Variants in PCDH9 observed in about 807,000 individuals in gnomAD.
The protein encoded by PCDH9 is protocadherin-9.
A neutral mutation model predicts 70.6 loss-of-function variants in PCDH9; 24 were observed. The ratio of observed to expected loss-of-function variants is 0.34; its 90% CI spans 0.25 to 0.48. PCDH9 has a LOEUF of 0.48. Among genes scored for constraint, PCDH9 ranks in the 20% least tolerant of loss-of-function variants. The probability of loss-of-function intolerance (pLI) is 0.99; values close to 1 mark genes in which losing one functional copy is unlikely to be tolerated. For synonymous variants in PCDH9, 562 were observed against 558.5 expected (o/e 1.01, Z -0.09); for missense variants, 1,281 against 1,503.6 (o/e 0.85, Z 2.45).
chr13:67,098,140 G>A (rs972362707), intron 2 of PCDH9, among the ~76,000 whole-genome samples: 25 of 151,982 alleles, frequency 1.6e-4, no homozygotes, highest in Non-Finnish European at 3.2e-4. Context: ...AACAAGCAGC[G>A]GGAACAACAA....
chr13:66,620,979 AT>A (rs1010552686), intron 4 of PCDH9, among the ~76,000 whole-genome samples: 8 of 152,230 alleles, frequency 5.3e-5, no homozygotes, highest in African/African-American at 1.4e-4. Context: ...AGATAAATGA[AT>A]TAAAAAATGG....
At chr13:66,610,835 A>T (rs951058144) in intron 4 of PCDH9, among the ~76,000 whole-genome samples, 1 of 152,182 alleles carries the variant, frequency 6.6e-6, no homozygotes, top group Non-Finnish European at 1.5e-5. Flanking sequence ...TGACAGGATG[A>T]TACCTTTTTT....
intron 4 of PCDH9, among the ~76,000 whole-genome samples, chr13:66,417,217 C>T (rs1957477127): frequency 6.6e-6 from 1 of 152,082 alleles, no homozygotes; most frequent in Non-Finnish European, 1.5e-5. Context: ...ATGATTTTCC[C>T]CTCCCTGTGA....
chr13:66,687,265 T>C (rs560907180), intron 3 of PCDH9, among the ~76,000 whole-genome samples: 4 of 152,142 alleles, frequency 2.6e-5, no homozygotes, highest in Non-Finnish European at 4.4e-5. Flanking sequence ...TGTGACAAGA[T>C]TTTTTTCTCT....
chr13:66,991,232 G>C (rs1016893175), intron 2 of PCDH9: 1 of 152,008 alleles, frequency 6.6e-6, no homozygotes, highest in African/African-American at 2.4e-5. Flanking sequence ...AATTTTGTAA[G>C]ATCAATCCAT....
intron 3 of PCDH9, among the ~76,000 whole-genome samples, chr13:66,750,769 A>T: frequency 6.6e-6 from 1 of 152,238 alleles, no homozygotes; most frequent in Admixed American, 6.5e-5. Context: ...TTAGAAATAA[A>T]ATTTCATAAC....
intron 2 of PCDH9, among the ~76,000 whole-genome samples, chr13:67,010,168 C>T (rs1353800869): frequency 6.6e-6 from 1 of 151,864 alleles, no homozygotes; most frequent in African/African-American, 2.4e-5. Flanking sequence ...TCAATTTTTC[C>T]CTAAAATTAA....
intron 2 of PCDH9, among the ~76,000 whole-genome samples, chr13:66,968,853 T>C (rs2083471670): frequency 6.6e-6 from 1 of 152,016 alleles, no homozygotes; most frequent in Non-Finnish European, 1.5e-5. Context: ...AGTGTGCTAT[T>C]CACATTTTTT....
At chr13:66,600,253 A>T (rs73194764) in intron 4 of PCDH9, among the ~76,000 whole-genome samples, 1 of 151,876 alleles carries the variant, frequency 6.6e-6, no homozygotes, top group East Asian at 1.9e-4. Flanking sequence ...TCAACATCAA[A>T]TGTAAAAATT....
At chr13:66,317,226 A>C (rs1955670404) in intron 4 of PCDH9, among the ~76,000 whole-genome samples, 2 of 152,162 alleles carry the variant, frequency 1.3e-5, no homozygotes, top group Non-Finnish European at 2.9e-5. Context: ...TAGAAAAAAA[A>C]AGTTAGCACT....
intron 3 of PCDH9, among the ~76,000 whole-genome samples, chr13:66,865,461 C>T (rs371704307): frequency 1.3e-5 from 2 of 152,114 alleles, no homozygotes; most frequent in Non-Finnish European, 2.9e-5. Context: ...TAATTTTATT[C>T]GAGTAAGTAG....
At chr13:66,598,738 A>T (rs952945716) in intron 4 of PCDH9, among the ~76,000 whole-genome samples, 1 of 151,890 alleles carries the variant, frequency 6.6e-6, no homozygotes, top group Non-Finnish European at 1.5e-5. Flanking sequence ...GGGTGTATTC[A>T]TAAATTTAAT....
chr13:66,882,818 T>C (rs367636280), intron 3 of PCDH9, among the ~76,000 whole-genome samples: 13 of 152,264 alleles, frequency 8.5e-5, no homozygotes, highest in African/African-American at 2.6e-4. Flanking sequence ...AAAACTGTCA[T>C]CCACAAAATA....
intron 3 of PCDH9, among the ~76,000 whole-genome samples, chr13:66,744,705 A>T (rs2079331558): frequency 6.6e-6 from 1 of 152,176 alleles, no homozygotes; most frequent in Non-Finnish European, 1.5e-5. Context: ...TTCAGGTATA[A>T]AAAATGAATA....
chr13:66,333,551 G>A (rs1166129347), intron 4 of PCDH9, among the ~76,000 whole-genome samples: 4 of 152,048 alleles, frequency 2.6e-5, no homozygotes, highest in Non-Finnish European at 4.4e-5. Context: ...AAAATAGAAT[G>A]ACTTAAGAAC....
chr13:66,678,671 A>G lies in PCDH9; in HGVS notation c.3139-47260T>C, dbSNP rs898089818. On this transcript the variant is annotated intron_variant, in intron 3 of 4. Transcript: ENST00000377865. ...CACACTTAAAAACCTATTTATGTGC[A>G]AAGCCAAATACCAAATAACAAGAAA... 1.1e-4 allele frequency among the ~76,000 whole-genome samples: 16 copies of G among 152,168 alleles called. No individual in the cohort carries two copies. In the East Asian group the frequency reaches 3.1e-3, roughly 29 times the overall value.
In PCDH9 at chr13:66,489,100, T is replaced by C. The variant is rs374589442; in HGVS notation, c.3340+142110A>G. 1.7e-3 allele frequency among the ~76,000 whole-genome samples: 266 copies of C among 152,314 alleles called. 1 individual carries two copies. The highest frequency in any genetic ancestry group is 0.017 in the Middle Eastern group (5 of 294). ...CAAAGTTTTCAATCTACAGAATTAA[T>C]ATATAGGTAGACACTTTTCAAACTA... is the stretch of plus-strand genomic sequence containing the variant. On this transcript the variant is annotated intron_variant, in intron 4 of 4. Transcript: ENST00000377865.
At chr13:66,535,328 A>G (rs1352179733) in intron 4 of PCDH9, among the ~76,000 whole-genome samples, 1 of 152,052 alleles carries the variant, frequency 6.6e-6, no homozygotes, top group African/African-American at 2.4e-5. Context: ...TTCTCTTTTA[A>G]CCAATATGAA....
intron 3 of PCDH9, among the ~76,000 whole-genome samples, chr13:66,634,099 T>C (rs931437080): frequency 2.6e-5 from 4 of 152,208 alleles, no homozygotes; most frequent in African/African-American, 9.6e-5. Context: ...AAATTTACTA[T>C]AAATTATTTG....
Sources: gnomAD v4.1 joint callset for allele counts (sites outside exome capture counted in the v4.1 genomes callset) on GRCh38, gnomAD v4.1.1 for gene constraint, MANE v1.5 for transcripts, NCBI Gene and HGNC (gene_info 2026-07-23, HGNC 2026-07-21) for gene names.